The following CDH20 variants were observed in gnomAD, a reference collection of about 807,000 sequenced individuals.
The protein encoded by CDH20 is cadherin-20.
Under a neutral mutation model 74.2 loss-of-function variants are expected in CDH20, and 29 were observed. The observed-to-expected ratio is 0.39, with a 90% confidence interval of 0.29 to 0.53. The LOEUF (loss-of-function observed/expected upper bound fraction) is 0.53, where lower values mean the gene tolerates loss of function less well. CDH20 is among the 20% of genes least tolerant of loss of function. The pLI, the probability that CDH20 is intolerant of heterozygous loss-of-function variation, is 0.69. For missense variants in CDH20, 988 were observed against 1,048.3 expected (o/e 0.94, Z 0.79); for synonymous variants, 469 against 405.4 (o/e 1.16, Z -1.88).
At chr18:61,517,852 C>G (rs1485031636) in intron 6 of CDH20, among the ~76,000 whole-genome samples, 1 of 152,162 alleles carries the variant, frequency 6.6e-6, no homozygotes, top group African/African-American at 2.4e-5. Flanking sequence ...TGGAGCCCAG[C>G]AAGCTAAGAT....
chr18:61,435,673 A>T (rs1201167447), intron 1 of CDH20, among the ~76,000 whole-genome samples: 1 of 151,052 alleles, frequency 6.6e-6, no homozygotes, highest in African/African-American at 2.4e-5. Context: ...AGTTTTTAAA[A>T]ATATATATAT....
At chr18:61,349,763 A>G (rs548080760) in intron 1 of CDH20, among the ~76,000 whole-genome samples, 16 of 140,924 alleles carry the variant, frequency 1.1e-4, no homozygotes, top group Admixed American at 2.8e-4. Flanking sequence ...GTGACAGATG[A>G]AAAAAAAAAA....
chr18:61,524,852 C>T (rs1404006646), intron 6 of CDH20, among the ~76,000 whole-genome samples: 1 of 152,024 alleles, frequency 6.6e-6, no homozygotes, highest in Non-Finnish European at 1.5e-5. Flanking sequence ...ACCCGGGAGG[C>T]AGACGTTGCA....
In CDH20 at chr18:61,337,250, G is replaced by A. The variant is rs151031274; in HGVS notation, c.-153+3423G>A. On this transcript the variant is annotated intron_variant, in intron 1 of 11. Coordinates refer to ENST00000262717, the MANE Select transcript of CDH20 (RefSeq NM_031891.4). Reference sequence around the variant, plus strand: ...AGAATACCAGAGAGCTAAGACTCAGGGCTGCCACTTTTTATTCCCTCCACA... The same window carrying A: ...AGAATACCAGAGAGCTAAGACTCAGAGCTGCCACTTTTTATTCCCTCCACA... 3.3e-3 allele frequency among the ~76,000 whole-genome samples: 499 copies of A among 152,220 alleles called. 4 individuals are homozygous for A. Among genetic ancestry groups the A allele is most frequent in the African/African-American group, 0.012 (483 of 41,514 alleles).
intron 10 of CDH20, among the ~76,000 whole-genome samples, chr18:61,546,966 G>A (rs1913270301): frequency 6.6e-6 from 1 of 152,216 alleles, no homozygotes; most frequent in Admixed American, 6.5e-5. Context: ...TGAGGCAGGA[G>A]AACTGCTTGA....
intron 1 of CDH20, among the ~76,000 whole-genome samples, chr18:61,374,446 C>T (rs1428061940): frequency 1.3e-5 from 2 of 152,020 alleles, no homozygotes; most frequent in Non-Finnish European, 1.5e-5. Context: ...AAATTATTAC[C>T]ATTTACAAAA....
intron 1 of CDH20, among the ~76,000 whole-genome samples, chr18:61,418,318 G>A (rs531169618): frequency 2.0e-5 from 3 of 152,180 alleles, no homozygotes; most frequent in Admixed American, 2.0e-4. Flanking sequence ...ACTTTGGGAG[G>A]CTGAGGTGGG....
chr18:61,366,917 T>G (rs1264747949), intron 1 of CDH20, among the ~76,000 whole-genome samples: 2 of 152,174 alleles, frequency 1.3e-5, no homozygotes, highest in African/African-American at 2.4e-5. Context: ...TAGATGAGGC[T>G]TATGAGAATA....
chr18:61,481,524 C>T (rs28493376), intron 1 of CDH20, among the ~76,000 whole-genome samples: 3,509 of 152,204 alleles, frequency 0.023, 131 homozygotes, highest in African/African-American at 0.079. Context: ...TATTAGAAGA[C>T]AAGGTTTTAC....
chr18:61,384,065 T>C (rs745866365), intron 1 of CDH20, among the ~76,000 whole-genome samples: 2 of 152,204 alleles, frequency 1.3e-5, no homozygotes, highest in Non-Finnish European at 2.9e-5. Flanking sequence ...CCTGTTCCCT[T>C]AATTGAGAGA....
intron 1 of CDH20, among the ~76,000 whole-genome samples, chr18:61,480,105 A>C (rs865817308): frequency 2.6e-5 from 4 of 152,210 alleles, no homozygotes; most frequent in African/African-American, 9.6e-5. Context: ...GTTCAAGGAA[A>C]AGGGAATTAC....
chr18:61,370,526 G>A (rs1910998816), intron 1 of CDH20, among the ~76,000 whole-genome samples: 1 of 151,946 alleles, frequency 6.6e-6, no homozygotes, highest in Non-Finnish European at 1.5e-5. Flanking sequence ...TATTTAAGGT[G>A]TACAATGTGA....
intron 1 of CDH20, among the ~76,000 whole-genome samples, chr18:61,440,967 G>A (rs60164770): frequency 0.011 from 1,603 of 152,276 alleles, 29 homozygotes; most frequent in African/African-American, 0.037. Flanking sequence ...GAAAGGGTAA[G>A]AAATTGCAGC....
At chr18:61,536,743 G>C (rs1393779665) in intron 8 of CDH20, 114 bp downstream of exon 8, 25 of 918,648 alleles carry the variant, frequency 2.7e-5, no homozygotes, top group Non-Finnish European at 3.3e-6. Flanking sequence ...GGAAGAAATG[G>C]AAATCATGCT....
chr18:61,541,631 A>G (rs1913042615), intron 9 of CDH20, among the ~76,000 whole-genome samples: 1 of 152,102 alleles, frequency 6.6e-6, no homozygotes, highest in Non-Finnish European at 1.5e-5. Context: ...GAAAATATTA[A>G]CCTTTGATTT....
chr18:61,534,453 C>T (rs1912753028), intron 7 of CDH20, among the ~76,000 whole-genome samples: 1 of 152,148 alleles, frequency 6.6e-6, no homozygotes, highest in South Asian at 2.1e-4. Flanking sequence ...GCATTATTCA[C>T]AATAGCCAAG....
intron 6 of CDH20, among the ~76,000 whole-genome samples, chr18:61,520,180 G>A (rs1198368529): frequency 4.6e-5 from 7 of 150,568 alleles, no homozygotes; most frequent in Non-Finnish European, 8.8e-5. Context: ...GCCAGGCGTG[G>A]TGGTGGGCAC....
At chr18:61,405,883 T>TGG (rs2144236369) in intron 1 of CDH20, among the ~76,000 whole-genome samples, 1 of 152,318 alleles carries the variant, frequency 6.6e-6, no homozygotes, top group South Asian at 2.1e-4. Context: ...CAGCATAACT[T>TGG]CAAGGCTTCC....
At chr18:61,535,807 T>A (rs1158369981) in intron 7 of CDH20, among the ~76,000 whole-genome samples, 2 of 152,208 alleles carry the variant, frequency 1.3e-5, no homozygotes, top group Admixed American at 6.5e-5. Flanking sequence ...TTGTTATACA[T>A]CATTAATTAC....
Sources: allele counts gnomAD v4.1 joint callset (sites outside exome capture counted in the v4.1 genomes callset), GRCh38; gene constraint gnomAD v4.1.1; transcripts MANE v1.5; gene names NCBI Gene and HGNC (gene_info 2026-07-23, HGNC 2026-07-21).